Variants in AGAP1 observed in about 807,000 individuals in gnomAD.
AGAP1 encodes ArfGAP with GTPase domain, ankyrin repeat and PH domain 1.
A neutral mutation model predicts 105.3 loss-of-function variants in AGAP1; 29 were observed. The observed-to-expected ratio is 0.28, with a 90% confidence interval of 0.21 to 0.38. The LOEUF (loss-of-function observed/expected upper bound fraction) is 0.38. Ranked by LOEUF, AGAP1 falls within the 10% of genes least tolerant of loss-of-function variation. AGAP1 has a pLI of 1.00. For missense variants in AGAP1, 998 were observed against 1,165.1 expected, an observed-to-expected ratio of 0.86 and a Z score of 2.09; for synonymous variants, 509 against 485.9, an observed-to-expected ratio of 1.05 and a Z score of -0.63.
intron 1 of AGAP1, among the ~76,000 whole-genome samples, chr2:235,506,691 G>A (rs1398324837): frequency 1.3e-5 from 2 of 152,162 alleles, no homozygotes; most frequent in Non-Finnish European, 1.5e-5. Flanking sequence ...CGGAAGCCGG[G>A]TCTGTATGGG....
At chr2:235,803,541 C>T (rs2150074697) in intron 8 of AGAP1, among the ~76,000 whole-genome samples, 1 of 152,256 alleles carries the variant, frequency 6.6e-6, no homozygotes, top group East Asian at 1.9e-4. Context: ...TTGTAACACC[C>T]AGCTGGAGGG....
rs962692746 is a variant in AGAP1 at position 235,906,352 on chromosome 2, C to T, written c.1156-2386C>T. On this transcript the variant is annotated intron_variant, in intron 10 of 17. Transcript: ENST00000304032. This position sits in a 1 kb window ranked among gnomAD's most constrained non-coding sequence, Gnocchi z 5.3. The stretch of plus-strand genomic sequence containing the variant: ...TGATCCTTTCTCCAGTGGTCTTCAG[C>T]CCATTGTTCTTCCTCCTGGTTCTGA... Among the ~76,000 whole-genome samples, 3 of 152,184 alleles carry T rather than the reference C, an allele frequency of 2.0e-5. No homozygotes were observed. The highest frequency in any genetic ancestry group is 6.5e-5 in the Admixed American group (1 of 15,288).
chr2:235,549,850 G>A lies in AGAP1; in HGVS notation c.163+55001G>A, dbSNP rs56273395. On this transcript the variant is annotated intron_variant, in intron 1 of 17. Transcript: ENST00000304032. The surrounding 1 kb of genome is among the most constrained non-coding windows in gnomAD (Gnocchi z 4.2). ...GCGGCCTAACATCCCCGGGAGCATG[G>A]GGATTAGTGGAGTGAGTGGGAGGAC... is the stretch of plus-strand genomic sequence containing the variant. Among the ~76,000 whole-genome samples, 6,070 of 152,250 alleles carry A rather than the reference G, an allele frequency of 0.04. 163 individuals carry two copies. The highest frequency in any genetic ancestry group is 0.14 in the Middle Eastern group (41 of 292).
chr2:235,765,315 G>T lies in AGAP1; in HGVS notation c.673+14827G>T, dbSNP rs377264896. On this transcript the variant is annotated intron_variant, in intron 6 of 17. Transcript: ENST00000304032. ...GCGTCTGTGGGGTGGGCGTATCTGG[G>T]AGTGTCTGTGGGATGGGGGCACCTG... Among the ~76,000 whole-genome samples the T allele has an allele frequency of 5.5e-4, 84 of 151,880 alleles. 1 individual carries two copies. The highest frequency in any genetic ancestry group is 2.0e-3 in the African/African-American group (82 of 41,386).
At chr2:235,674,693 C>CTTTTTTTTTT (rs201019044) in intron 1 of AGAP1, among the ~76,000 whole-genome samples, 4 of 136,324 alleles carry the variant, frequency 2.9e-5, no homozygotes, top group African/African-American at 8.3e-5. Context: ...GGGTGATAGA[C>CTTTTTTTTTT]TTTTTTTTTT....
Position 235,590,684 on chromosome 2 carries a change from T to TGC in AGAP1, c.163+95837_163+95838dup, listed in dbSNP as rs1553574082. Among the ~76,000 whole-genome samples the TGC allele has an allele frequency of 1.1e-3, 116 of 102,726 alleles. 1 individual carries two copies. Among genetic ancestry groups the TGC allele is most frequent in the African/African-American group, 1.7e-3 (40 of 24,230 alleles). The allele number at this position is 102,726 out of a possible 152,430, so 67.4% of individuals were successfully genotyped here. On this transcript the variant is annotated intron_variant, in intron 1 of 17. Coordinates refer to ENST00000304032, the MANE Select transcript of AGAP1 (RefSeq NM_001037131.3). ...GTTTTAATGTGTGTGTGTGTGTGTG[T>TGC]GCGTGTGCGTGTGTGTGTGTGTGTG...
rs1174844035 is a variant in AGAP1 at position 236,078,890 on chromosome 2, C to G, written c.2114+29609C>G. The stretch of plus-strand genomic sequence containing the variant: ...CCCACTGCCTTTCCTTTCTCACTTC[C>G]AGCTCTGTTCTTCATTCCAGCAGAA... On this transcript the variant is annotated intron_variant, in intron 16 of 17. Coordinates refer to ENST00000304032, the MANE Select transcript of AGAP1 (RefSeq NM_001037131.3). This position sits in a 1 kb window ranked among gnomAD's most constrained non-coding sequence, Gnocchi z 5.3. Among the ~76,000 whole-genome samples, 1 of 152,210 alleles carries G rather than the reference C, an allele frequency of 6.6e-6. No homozygotes were observed. The highest frequency in any genetic ancestry group is 1.5e-5 in the Non-Finnish European group (1 of 68,048).
At chr2:236,098,716 CT>C (rs2059258542) in intron 16 of AGAP1, among the ~76,000 whole-genome samples, 1 of 147,866 alleles carries the variant, frequency 6.8e-6, no homozygotes, top group Admixed American at 6.8e-5. Context: ...CTTCCCGCTG[CT>C]GGGCTCAAGC....
Position 235,994,203 on chromosome 2 carries a change from C to G in AGAP1, c.1645+25580C>G, listed in dbSNP as rs2055691732. Among the ~76,000 whole-genome samples the G allele has an allele frequency of 6.6e-6, 1 of 151,868 alleles. No homozygotes were observed. ...TTTAAGAGTCTTGTCGTTTCATACTCTCATTTTGGCAAGACACCTTCGTCT... is the reference window on the plus strand; with the variant it reads ...TTTAAGAGTCTTGTCGTTTCATACTGTCATTTTGGCAAGACACCTTCGTCT... On this transcript the variant is annotated intron_variant, in intron 13 of 17. Coordinates refer to ENST00000304032, the MANE Select transcript of AGAP1 (RefSeq NM_001037131.3). This position sits in a 1 kb window ranked among gnomAD's most constrained non-coding sequence, Gnocchi z 4.4.
chr2:235,978,725 C>T (rs1486309265), intron 13 of AGAP1, among the ~76,000 whole-genome samples: 1 of 152,176 alleles, frequency 6.6e-6, no homozygotes, highest in African/African-American at 2.4e-5. Context: ...TCCTGTGGCT[C>T]TCAGAGTTGC....
rs776573006 is a variant in AGAP1 at position 235,750,992 on chromosome 2, G to GACC, written c.673+506_673+508dup. On this transcript the variant is annotated intron_variant, in intron 6 of 17. Transcript: ENST00000304032. This position sits in a 1 kb window ranked among gnomAD's most constrained non-coding sequence, Gnocchi z 5.3. ...GATACCACTCACAGCAGAGGGTGAG[G>GACC]ACCAGCCTTTTGGAATTGTTTTTAG... Among the ~76,000 whole-genome samples the GACC allele has an allele frequency of 6.6e-6, 1 of 152,190 alleles. No individual in the cohort carries two copies.
At chr2:235,693,755 A>G (rs904950367) in intron 1 of AGAP1, among the ~76,000 whole-genome samples, 4 of 152,202 alleles carry the variant, frequency 2.6e-5, no homozygotes, top group Non-Finnish European at 2.9e-5. Flanking sequence ...TAGAAATTAG[A>G]TAAGAGTTAA....
rs1489762867 is a variant in AGAP1, at chr2:235,577,986, C to T, written c.163+83137C>T. Among the ~76,000 whole-genome samples, 1 of 152,064 alleles carries T rather than the reference C, an allele frequency of 6.6e-6. No individual in the cohort carries two copies. Among genetic ancestry groups the T allele is most frequent in the Non-Finnish European group, 1.5e-5 (1 of 68,030 alleles). ...CAGGGGGTCTGGATCGCACCCGACA[C>T]CATCCAGGTGCCTGCGTGTGCTGGT... is the stretch of plus-strand genomic sequence containing the variant. On this transcript the variant is annotated intron_variant, in intron 1 of 17. Coordinates refer to ENST00000304032, the MANE Select transcript of AGAP1 (RefSeq NM_001037131.3). The surrounding 1 kb of genome is among the most constrained non-coding windows in gnomAD (Gnocchi z 4.5).
At chr2:235,627,191 G>GGT (rs1946665631) in intron 1 of AGAP1, among the ~76,000 whole-genome samples, 1 of 135,240 alleles carries the variant, frequency 7.4e-6, no homozygotes, top group African/African-American at 3.0e-5. Flanking sequence ...GCTGTTTTGA[G>GGT]GTTTTTTTTT....
intron 9 of AGAP1, among the ~76,000 whole-genome samples, chr2:235,827,893 C>T (rs919812673): frequency 5.3e-5 from 8 of 152,162 alleles, no homozygotes; most frequent in Non-Finnish European, 1.0e-4. Flanking sequence ...GGGAGAGGCC[C>T]GGAGGGCTGG....
rs1944168879 is a variant in AGAP1 at position 235,561,990 on chromosome 2, A to C, written c.163+67141A>C. On this transcript the variant is annotated intron_variant, in intron 1 of 17. Coordinates refer to ENST00000304032, the MANE Select transcript of AGAP1 (RefSeq NM_001037131.3). ...GTTTTTCTCCAAAGCAAACCAGCTCATACCTTGACATTGTCAAAATAGCAA... is the reference window on the plus strand; with the variant it reads ...GTTTTTCTCCAAAGCAAACCAGCTCCTACCTTGACATTGTCAAAATAGCAA... Among the ~76,000 whole-genome samples the C allele has an allele frequency of 3.3e-5, 5 of 152,214 alleles. No individual in the cohort carries two copies. The South Asian group carries it at 1.0e-3, about 32-fold the overall frequency.
rs2056099673 is a variant in AGAP1, at chr2:236,001,075, C to T, written c.1645+32452C>T. 1.3e-5 allele frequency among the ~76,000 whole-genome samples: 2 copies of T among 152,194 alleles called. No individual in the cohort carries two copies. The highest frequency in any genetic ancestry group is 4.8e-5 in the African/African-American group (2 of 41,444). On this transcript the variant is annotated intron_variant, in intron 13 of 17. Transcript: ENST00000304032. The surrounding 1 kb of genome is among the most constrained non-coding windows in gnomAD (Gnocchi z 4.7). The stretch of plus-strand genomic sequence containing the variant: ...CTAGGGTCATGGCAGATGTCATTAG[C>T]TATACAGGAGGGGAGGGGATGGACC...
intron 11 of AGAP1, among the ~76,000 whole-genome samples, chr2:235,913,348 C>T (rs1319707964): frequency 6.6e-6 from 1 of 152,038 alleles, no homozygotes; most frequent in South Asian, 2.1e-4. Flanking sequence ...AGCCCCTAAT[C>T]CACCTTTAAT....
At position 235,789,428 on chromosome 2, in the gene AGAP1, T is replaced by A. The variant is rs1255859239; in HGVS notation, c.674-8331T>A. 1.3e-5 allele frequency among the ~76,000 whole-genome samples: 2 copies of A among 152,116 alleles called. No homozygotes were observed. The highest frequency in any genetic ancestry group is 1.5e-5 in the Non-Finnish European group (1 of 68,028). The stretch of plus-strand genomic sequence containing the variant: ...ATTTCCAGCAAATTAACAACCCTAA[T>A]AGGTAATTGCGACATAAATGAAGAT... On this transcript the variant is annotated intron_variant, in intron 6 of 17. Coordinates refer to ENST00000304032, the MANE Select transcript of AGAP1 (RefSeq NM_001037131.3). This position sits in a 1 kb window ranked among gnomAD's most constrained non-coding sequence, Gnocchi z 4.2.
Sources: gnomAD v4.1 joint callset for allele counts (sites outside exome capture counted in the v4.1 genomes callset) on GRCh38, gnomAD v4.1.1 for gene constraint, Gnocchi (gnomAD v3.1) non-coding constraint, MANE v1.5 for transcripts, NCBI Gene and HGNC (gene_info 2026-07-23, HGNC 2026-07-21) for gene names.